WWOX: variants seen among roughly 807,000 people sequenced by gnomAD.
The protein encoded by WWOX is WW domain-containing oxidoreductase.
Under a neutral mutation model 46.2 loss-of-function variants are expected in WWOX, and 69 were observed. The observed-to-expected ratio is 1.49, with a 90% CI of 1.23 to 1.82. WWOX has a LOEUF of 1.82. WWOX is among the 40% of genes most tolerant of loss of function. The pLI, the probability that WWOX is intolerant of heterozygous loss-of-function variation, is 0.00. For missense variants in WWOX, 919 were observed against 542.6 expected, an observed-to-expected ratio of 1.69 and a Z score of -6.89; for synonymous variants, 359 against 202.6, an observed-to-expected ratio of 1.77 and a Z score of -6.56.
At chr16:78,798,328 A>C (rs2050797296) in intron 8 of WWOX, among the ~76,000 whole-genome samples, 1 of 152,160 alleles carries the variant, frequency 6.6e-6, no homozygotes, top group Non-Finnish European at 1.5e-5. Flanking sequence ...AAAAAGAAAA[A>C]AATCTTGCCT....
chr16:78,707,969 T>G (rs1386343476), intron 8 of WWOX, among the ~76,000 whole-genome samples: 1 of 152,220 alleles, frequency 6.6e-6, no homozygotes, highest in East Asian at 1.9e-4. Context: ...AATGGAATAG[T>G]AAATAACACT....
chr16:79,206,461 T>C lies in WWOX; in HGVS notation c.1057-5147T>C, dbSNP rs189359954. The C allele has an allele frequency of 3.9e-5, 6 of 152,318 alleles. No homozygotes were observed. The East Asian group carries it at 1.2e-3, about 29-fold the overall frequency. 9.4% of individuals were successfully genotyped at this position (152,318 alleles called of 1,614,324 possible). ...TCAGGTAGGCTTCTCTCTAAATAAA[T>C]GGAAATACTAACTGTCCCTGGCTCA... On this transcript the variant is annotated intron_variant, in intron 8 of 8. Transcript: ENST00000566780.
At chr16:78,686,480 C>T (rs950269457) in intron 8 of WWOX, among the ~76,000 whole-genome samples, 13 of 150,328 alleles carry the variant, frequency 8.6e-5, no homozygotes, top group African/African-American at 2.7e-4. Flanking sequence ...CACTGTACTC[C>T]AGCCTGGGGG....
intron 8 of WWOX, among the ~76,000 whole-genome samples, chr16:78,455,133 A>G (rs186497609): frequency 6.6e-4 from 100 of 152,270 alleles, no homozygotes; most frequent in Admixed American, 1.4e-3. Context: ...TGTCTTGAGG[A>G]TAGATAGAAG....
At chr16:78,603,225 G>T (rs558300834) in intron 8 of WWOX, among the ~76,000 whole-genome samples, 1 of 152,148 alleles carries the variant, frequency 6.6e-6, no homozygotes, top group Non-Finnish European at 1.5e-5. Flanking sequence ...CATTTTCATG[G>T]CACAGATAAG....
chr16:78,516,147 C>G (rs562212600), intron 8 of WWOX, among the ~76,000 whole-genome samples: 1 of 152,280 alleles, frequency 6.6e-6, no homozygotes, highest in Non-Finnish European at 1.5e-5. Flanking sequence ...CCGCAGTGCC[C>G]AGGCCAGAAG....
intron 8 of WWOX, among the ~76,000 whole-genome samples, chr16:78,970,168 C>G (rs752554969): frequency 6.6e-6 from 1 of 152,160 alleles, no homozygotes; most frequent in Non-Finnish European, 1.5e-5. Context: ...CACCTCTACC[C>G]CACACATCCT....
At chr16:79,044,819 C>G (rs925529110) in intron 8 of WWOX, among the ~76,000 whole-genome samples, 2 of 151,292 alleles carry the variant, frequency 1.3e-5, no homozygotes, top group African/African-American at 4.9e-5. Context: ...ACCTCAAGGC[C>G]CAGCGCTGCC....
chr16:78,991,654 T>C (rs4888904), intron 8 of WWOX, among the ~76,000 whole-genome samples: 146,927 of 149,392 alleles, frequency 0.98, 72,321 homozygotes, highest in East Asian at 1. Context: ...GCCCCTTGGG[T>C]AACTTGTTTT....
At chr16:79,057,263 A>T (rs1015235470) in intron 8 of WWOX, among the ~76,000 whole-genome samples, 1 of 152,158 alleles carries the variant, frequency 6.6e-6, no homozygotes, top group African/African-American at 2.4e-5. Context: ...TGGCAAACTT[A>T]TGTTTATTCC....
intron 8 of WWOX, among the ~76,000 whole-genome samples, chr16:78,468,025 A>G (rs1362366778): frequency 6.6e-6 from 1 of 152,106 alleles, no homozygotes; most frequent in Non-Finnish European, 1.5e-5. Flanking sequence ...TTTACTGTTT[A>G]AGAAAGCTCA....
At chr16:78,211,849 A>C (rs2036569442) in intron 5 of WWOX, among the ~76,000 whole-genome samples, 1 of 152,160 alleles carries the variant, frequency 6.6e-6, no homozygotes, top group Non-Finnish European at 1.5e-5. Context: ...AGGGACCAGA[A>C]TATGGTGTGG....
At chr16:78,668,228 C>T (rs1386271970) in intron 8 of WWOX, among the ~76,000 whole-genome samples, 5 of 152,132 alleles carry the variant, frequency 3.3e-5, no homozygotes, top group African/African-American at 7.2e-5. Context: ...TGCAGTCAGC[C>T]GAGATCTATG....
intron 8 of WWOX, among the ~76,000 whole-genome samples, chr16:78,988,853 C>T (rs896959087): frequency 6.6e-6 from 1 of 152,148 alleles, no homozygotes; most frequent in Non-Finnish European, 1.5e-5. Context: ...CATGTTGCTG[C>T]GAGCCCCAAT....
chr16:78,825,029 C>G (rs1302594141), intron 8 of WWOX, among the ~76,000 whole-genome samples: 1 of 152,104 alleles, frequency 6.6e-6, no homozygotes, highest in Non-Finnish European at 1.5e-5. Context: ...TCTCTCTCAC[C>G]ATCCCCTAAA....
chr16:78,904,337 C>G (rs547413377), intron 8 of WWOX, among the ~76,000 whole-genome samples: 4 of 146,982 alleles, frequency 2.7e-5, no homozygotes, highest in East Asian at 2.1e-4. Context: ...CTCCCGGGTT[C>G]AAGCAATTCT....
chr16:78,493,814 T>G (rs2084845297), intron 8 of WWOX, among the ~76,000 whole-genome samples: 1 of 152,234 alleles, frequency 6.6e-6, no homozygotes, highest in Non-Finnish European at 1.5e-5. Context: ...TGTGTGAGCC[T>G]GTAGAGTCCG....
intron 8 of WWOX, among the ~76,000 whole-genome samples, chr16:78,945,134 C>T (rs565777231): frequency 6.6e-5 from 10 of 152,028 alleles, no homozygotes; most frequent in Admixed American, 2.0e-4. Flanking sequence ...GAGCCGAGAC[C>T]GCACCTCTGG....
At position 78,854,179 on chromosome 16, in the gene WWOX, G is replaced by C. The variant is rs191534979; in HGVS notation, c.1057-357429G>C. Reference sequence around the variant, plus strand: ...TTTTTTCTCAATTAAAATAATAATTGTGAACATTGTTCTTTCTACTCTAAC... The same window carrying C: ...TTTTTTCTCAATTAAAATAATAATTCTGAACATTGTTCTTTCTACTCTAAC... On this transcript the variant is annotated intron_variant, in intron 8 of 8. Transcript: ENST00000566780. Among the ~76,000 whole-genome samples the C allele has an allele frequency of 8.3e-4, 126 of 152,106 alleles. 1 individual carries two copies. Among genetic ancestry groups the C allele is most frequent in the African/African-American group, 2.9e-3 (121 of 41,500 alleles).
Sources: allele counts gnomAD v4.1 joint callset (sites outside exome capture counted in the v4.1 genomes callset), GRCh38; gene constraint gnomAD v4.1.1; transcripts MANE v1.5; gene names NCBI Gene and HGNC (gene_info 2026-07-23, HGNC 2026-07-21).